The following TTLL5 variants were observed in gnomAD, a reference collection of about 807,000 sequenced individuals.
TTLL5 encodes tubulin polyglutamylase TTLL5.
Under a neutral mutation model 168.4 loss-of-function variants are expected in TTLL5, and 132 were observed. The observed-to-expected ratio is 0.78, with a 90% CI of 0.68 to 0.91. The LOEUF (loss-of-function observed/expected upper bound fraction) is 0.91. Among genes scored for constraint, TTLL5 ranks in the 40% least tolerant of loss-of-function variants. The pLI, the probability that TTLL5 is intolerant of heterozygous loss-of-function variation, is 0.00. For missense variants in TTLL5, 1,545 were observed against 1,581.5 expected (o/e 0.98, Z 0.39); for synonymous variants, 546 against 558.6 (o/e 0.98, Z 0.32).
At chr14:75,908,566 A>G (rs2033240826) in intron 31 of TTLL5, among the ~76,000 whole-genome samples, 1 of 152,196 alleles carries the variant, frequency 6.6e-6, no homozygotes, top group Admixed American at 6.5e-5. Flanking sequence ...TACATGTTTT[A>G]TAAAACTGAG....
At chr14:75,724,004 A>G (rs1888018647) in intron 12 of TTLL5, among the ~76,000 whole-genome samples, 1 of 151,360 alleles carries the variant, frequency 6.6e-6, no homozygotes, top group Non-Finnish European at 1.5e-5. Context: ...AGTCACAAGG[A>G]ATAAGCTAGT....
intron 28 of TTLL5, among the ~76,000 whole-genome samples, chr14:75,854,570 C>G (rs1897038021): frequency 6.6e-6 from 1 of 152,098 alleles, no homozygotes; most frequent in South Asian, 2.1e-4. Context: ...ATATGTTTAA[C>G]TTTATAAGAA....
At chr14:75,880,272 A>G (rs373372453) in intron 29 of TTLL5, among the ~76,000 whole-genome samples, 4 of 152,304 alleles carry the variant, frequency 2.6e-5, no homozygotes, top group African/African-American at 9.6e-5. Flanking sequence ...TCATTATTTC[A>G]TTTGTATTTA....
chr14:75,879,452 A>C (rs1312582475), intron 29 of TTLL5, among the ~76,000 whole-genome samples: 1 of 152,212 alleles, frequency 6.6e-6, no homozygotes, highest in East Asian at 1.9e-4. Context: ...TGAGGTAGGT[A>C]GAGGTTTGGG....
At chr14:75,928,406 A>G (rs1032982049) in intron 31 of TTLL5, among the ~76,000 whole-genome samples, 1 of 131,476 alleles carries the variant, frequency 7.6e-6, no homozygotes, top group African/African-American at 2.9e-5. Context: ...TTCCTGGGCA[A>G]AATGTTATTT....
intron 3 of TTLL5, among the ~76,000 whole-genome samples, chr14:75,670,538 A>G (rs1883659060): frequency 6.6e-6 from 1 of 152,218 alleles, no homozygotes; most frequent in African/African-American, 2.4e-5. Flanking sequence ...TCCCGTCAAC[A>G]ACGTATAGGG....
At chr14:75,814,197 G>A (rs1894240506) in intron 27 of TTLL5, among the ~76,000 whole-genome samples, 1 of 152,218 alleles carries the variant, frequency 6.6e-6, no homozygotes, top group Non-Finnish European at 1.5e-5. Context: ...TCTGTTAAGG[G>A]ACAGTTAACC....
intron 28 of TTLL5, among the ~76,000 whole-genome samples, chr14:75,829,061 G>T (rs1019045580): frequency 1.3e-5 from 2 of 152,198 alleles, no homozygotes; most frequent in Admixed American, 6.5e-5. Context: ...AAAGCAATAT[G>T]TGCTTAATTA....
chr14:75,706,999 CT>C lies in TTLL5; in HGVS notation c.586-16del. 1.9e-6 allele frequency: 3 copies of C among 1,590,776 alleles called. No homozygotes were observed. Among genetic ancestry groups the C allele is most frequent in the Non-Finnish European group, 2.6e-6 (3 of 1,161,856 alleles). ...TCCTGTGTATTTCTATTCTTTCATT[CT>C]TTCTCTTTACTCAATAGCCAAACCA... is the stretch of plus-strand genomic sequence containing the variant. On this transcript the variant is annotated intron_variant, in intron 7 of 31. Transcript: ENST00000298832.
intron 16 of TTLL5, 78 bp from the exon 17 acceptor site, chr14:75,745,412 A>T (rs1227564686): frequency 1.3e-5 from 19 of 1,438,762 alleles, no homozygotes; most frequent in Non-Finnish European, 1.9e-5. Context: ...TTGGGTCATA[A>T]CTATCTTCCT....
intron 26 of TTLL5, among the ~76,000 whole-genome samples, chr14:75,789,212 G>T (rs1049342503): frequency 6.6e-6 from 1 of 152,126 alleles, no homozygotes; most frequent in Non-Finnish European, 1.5e-5. Context: ...CATTCCTTCT[G>T]TCCAGTGTTT....
intron 18 of TTLL5, 86 bp from the exon 19 acceptor site, chr14:75,764,529 G>A: frequency 6.7e-7 from 1 of 1,493,268 alleles, no homozygotes; most frequent in Non-Finnish European, 9.2e-7. Flanking sequence ...CAGTATGTCA[G>A]CATTATGGAA....
At chr14:75,782,837 T>G (rs1428477214) in intron 25 of TTLL5, among the ~76,000 whole-genome samples, 1 of 152,196 alleles carries the variant, frequency 6.6e-6, no homozygotes, top group Non-Finnish European at 1.5e-5. Flanking sequence ...AGGAATTAGC[T>G]GTTGCTAGTG....
chr14:75,677,954 C>T (rs1179172040), intron 3 of TTLL5, among the ~76,000 whole-genome samples: 1 of 152,050 alleles, frequency 6.6e-6, no homozygotes, highest in East Asian at 1.9e-4. Context: ...CCCCTTGTCT[C>T]TTATTCCCCA....
chr14:75,912,149 C>T (rs993825030), intron 31 of TTLL5, among the ~76,000 whole-genome samples: 17 of 152,134 alleles, frequency 1.1e-4, no homozygotes, highest in African/African-American at 3.6e-4. Context: ...CTACTCATGA[C>T]GTGACTCTCT....
chr14:75,781,489 A>C (rs1892046842), intron 24 of TTLL5, among the ~76,000 whole-genome samples: 1 of 152,162 alleles, frequency 6.6e-6, no homozygotes, highest in East Asian at 1.9e-4. Context: ...GGCCTTTCTT[A>C]AGTTTTTGTA....
intron 6 of TTLL5, among the ~76,000 whole-genome samples, chr14:75,691,360 T>A (rs554314617): frequency 2.0e-5 from 3 of 152,186 alleles, no homozygotes; most frequent in Non-Finnish European, 2.9e-5. Context: ...AGAAGAGACA[T>A]GAGTACAGAT....
At chr14:75,729,318 T>G (rs560109438) in intron 12 of TTLL5, among the ~76,000 whole-genome samples, 1 of 152,258 alleles carries the variant, frequency 6.6e-6, no homozygotes, top group South Asian at 2.1e-4. Flanking sequence ...GATACTGAGT[T>G]TTTAAAATTC....
intron 5 of TTLL5, among the ~76,000 whole-genome samples, chr14:75,686,010 T>C (rs2140128102): frequency 6.6e-6 from 1 of 152,314 alleles, no homozygotes; most frequent in Admixed American, 6.5e-5. Context: ...ACACTAAAAA[T>C]TGAGTACCTC....
Sources: allele counts gnomAD v4.1 joint callset (sites outside exome capture counted in the v4.1 genomes callset), GRCh38; gene constraint gnomAD v4.1.1; transcripts MANE v1.5; gene names NCBI Gene and HGNC (gene_info 2026-07-23, HGNC 2026-07-21).